Variants in SMYD3 observed in about 807,000 individuals in gnomAD.
The protein encoded by SMYD3 is SET and MYND domain containing 3.
SMYD3 carries 36 observed loss-of-function variants against 57.7 expected under a neutral mutation model. The ratio of observed to expected loss-of-function variants is 0.62; its 90% CI spans 0.48 to 0.82. SMYD3 has a LOEUF of 0.82. Among genes scored for constraint, SMYD3 ranks in the 40% least tolerant of loss-of-function variants. The pLI is 0.00. For missense variants in SMYD3, 515 were observed against 538.8 expected, an observed-to-expected ratio of 0.96 and a Z score of 0.44; for synonymous variants, 211 against 195.0, an observed-to-expected ratio of 1.08 and a Z score of -0.68.
At chr1:246,002,709 C>G (rs1434610115) in intron 5 of SMYD3, among the ~76,000 whole-genome samples, 1 of 151,702 alleles carries the variant, frequency 6.6e-6, no homozygotes, top group African/African-American at 2.4e-5. Context: ...GCCTCAGCCT[C>G]CCAAAGTGCT....
intron 10 of SMYD3, among the ~76,000 whole-genome samples, chr1:245,834,999 C>A (rs1227073756): frequency 1.3e-5 from 2 of 152,034 alleles, no homozygotes; most frequent in Admixed American, 1.3e-4. Flanking sequence ...ATAAGGGCAA[C>A]TATTCCTTTC....
chr1:246,424,362 ATT>A (rs2067187343), intron 1 of SMYD3, among the ~76,000 whole-genome samples: 2 of 152,206 alleles, frequency 1.3e-5, no homozygotes, highest in Admixed American at 6.5e-5. Flanking sequence ...AAAATGGAAT[ATT>A]AATAAATACT....
intron 1 of SMYD3, among the ~76,000 whole-genome samples, chr1:246,456,695 AG>A (rs2103033804): frequency 6.6e-6 from 1 of 152,364 alleles, no homozygotes; most frequent in South Asian, 2.1e-4. Flanking sequence ...TAATATGCGA[AG>A]AACCCACAAA....
intron 5 of SMYD3, chr1:246,326,743 G>C (rs971041940): frequency 1.5e-5 from 4 of 273,472 alleles, no homozygotes; most frequent in African/African-American, 9.0e-5. Flanking sequence ...AAGCCTGGGT[G>C]ACAGAACGAG....
chr1:246,480,217 T>A (rs2068083566), intron 1 of SMYD3, among the ~76,000 whole-genome samples: 1 of 152,178 alleles, frequency 6.6e-6, no homozygotes, highest in Admixed American at 6.5e-5. Context: ...TCACACCATG[T>A]TGACCATCCT....
intron 1 of SMYD3, among the ~76,000 whole-genome samples, chr1:246,488,952 G>T (rs1335094255): frequency 1.3e-5 from 2 of 152,090 alleles, no homozygotes; most frequent in Non-Finnish European, 2.9e-5. Context: ...ATATTCTCCG[G>T]AGAGGCACTG....
At chr1:245,913,831 T>G (rs973791604) in intron 8 of SMYD3, among the ~76,000 whole-genome samples, 1 of 152,142 alleles carries the variant, frequency 6.6e-6, no homozygotes, top group Non-Finnish European at 1.5e-5. Flanking sequence ...TAAATAGATA[T>G]TTATCTAACA....
intron 1 of SMYD3, among the ~76,000 whole-genome samples, chr1:246,458,650 T>C (rs1162671857): frequency 1.5e-5 from 2 of 130,368 alleles, no homozygotes; most frequent in Non-Finnish European, 3.2e-5. Flanking sequence ...GTATTTTTAG[T>C]AGAGACGGGG....
chr1:245,972,030 ACT>A (rs1264391267), intron 5 of SMYD3, among the ~76,000 whole-genome samples: 2 of 152,170 alleles, frequency 1.3e-5, no homozygotes, highest in Non-Finnish European at 2.9e-5. Flanking sequence ...CTCGGGCACC[ACT>A]GATGCCTCAC....
chr1:245,998,608 T>C (rs767075717), intron 5 of SMYD3, among the ~76,000 whole-genome samples: 8 of 152,126 alleles, frequency 5.3e-5, no homozygotes, highest in Non-Finnish European at 1.0e-4. Flanking sequence ...GCAGTCTGGA[T>C]GCTCCTGAAA....
At chr1:246,094,647 C>T (rs969546737) in intron 5 of SMYD3, among the ~76,000 whole-genome samples, 5 of 152,164 alleles carry the variant, frequency 3.3e-5, no homozygotes, top group Admixed American at 1.3e-4. Flanking sequence ...CAGGCAGATA[C>T]ACAAAGGTCC....
rs534060018 is a variant in SMYD3, at chr1:246,199,542, G to A, written c.531+127659C>T. 5.2e-4 allele frequency among the ~76,000 whole-genome samples: 79 copies of A among 152,238 alleles called. 1 individual carries two copies. In the South Asian group the frequency reaches 0.016, roughly 32 times the overall value. On this transcript the variant is annotated intron_variant, in intron 5 of 11. Transcript: ENST00000490107. ...TTTTGAAAAAAGTATTTACTGTGAG[G>A]GCTTAGAGCAGTTACAGGGCTCTAA...
At position 246,103,985 on chromosome 1, in the gene SMYD3, C is replaced by T. The variant is rs116862848; in HGVS notation, c.532-174048G>A. ...GCCATTCTTCTATAAAACCTTTCAA[C>T]CTGCCCAATTACAAATCATGACTCT... On this transcript the variant is annotated intron_variant, in intron 5 of 11. Transcript: ENST00000490107. Among the ~76,000 whole-genome samples the T allele has an allele frequency of 3.2e-4, 48 of 152,324 alleles. 1 individual carries two copies. The East Asian group carries it at 8.7e-3, about 28-fold the overall frequency.
rs1366005324 is a variant in SMYD3 at position 246,368,540 on chromosome 1, A to G, written c.165-13446T>C. On this transcript the variant is annotated intron_variant, in intron 1 of 11. Coordinates refer to ENST00000490107, the MANE Select transcript of SMYD3 (RefSeq NM_001167740.2). ...TCATTATTCAGAGCTCCTTCCTAGT[A>G]ACATGTCTTAATTACCTAAAAGTCT... Among the ~76,000 whole-genome samples, 4 of 152,226 alleles carry G rather than the reference A, an allele frequency of 2.6e-5. No homozygotes were observed. In the East Asian group the frequency reaches 7.7e-4, roughly 29 times the overall value.
intron 10 of SMYD3, among the ~76,000 whole-genome samples, chr1:245,857,028 C>G (rs1186974233): frequency 6.6e-6 from 1 of 152,140 alleles, no homozygotes; most frequent in Admixed American, 6.5e-5. Flanking sequence ...TTTCCGAGAA[C>G]CCACAAGATC....
intron 1 of SMYD3, among the ~76,000 whole-genome samples, chr1:246,505,879 G>C (rs114291328): frequency 1.4e-3 from 214 of 152,274 alleles, no homozygotes; most frequent in Non-Finnish European, 2.3e-3. Context: ...ATCTTGAAAG[G>C]AACGAATTGT....
At chr1:246,153,578 T>C (rs2061976940) in intron 5 of SMYD3, among the ~76,000 whole-genome samples, 1 of 152,180 alleles carries the variant, frequency 6.6e-6, no homozygotes, top group African/African-American at 2.4e-5. Flanking sequence ...ACAAATCCTC[T>C]TGCCTTAGCC....
intron 5 of SMYD3, among the ~76,000 whole-genome samples, chr1:246,236,760 C>A (rs1364036463): frequency 6.6e-6 from 1 of 152,144 alleles, no homozygotes; most frequent in African/African-American, 2.4e-5. Context: ...GATCTACCCA[C>A]CTCAGCCTCC....
chr1:245,801,769 C>A (rs1192952525), intron 10 of SMYD3, among the ~76,000 whole-genome samples: 1 of 148,748 alleles, frequency 6.7e-6, no homozygotes, highest in African/African-American at 2.5e-5. Flanking sequence ...GAAAAATGGG[C>A]TAAAGCTAAT....
Sources: allele counts gnomAD v4.1 joint callset (sites outside exome capture counted in the v4.1 genomes callset), GRCh38; gene constraint gnomAD v4.1.1; transcripts MANE v1.5; gene names NCBI Gene and HGNC (gene_info 2026-07-23, HGNC 2026-07-21).